Variants in ANO2 observed in about 807,000 individuals in gnomAD.
ANO2 encodes anoctamin 2.
A neutral mutation model predicts 124.2 loss-of-function variants in ANO2; 101 were observed. That is an observed-to-expected ratio of 0.81 (90% CI 0.69 to 0.96). ANO2 has a LOEUF of 0.96. Among genes scored for constraint, ANO2 ranks in the 40% least tolerant of loss-of-function variants. The pLI, the probability that ANO2 is intolerant of heterozygous loss-of-function variation, is 0.00. For missense variants in ANO2, 1,293 were observed against 1,274.5 expected, an observed-to-expected ratio of 1.01 and a Z score of -0.22; for synonymous variants, 486 against 482.5, an observed-to-expected ratio of 1.01 and a Z score of -0.09.
At chr12:5,828,684 G>C (rs1222833769) in intron 6 of ANO2, among the ~76,000 whole-genome samples, 1 of 152,204 alleles carries the variant, frequency 6.6e-6, no homozygotes, top group East Asian at 1.9e-4. Context: ...GGCCTGCAGG[G>C]GACTGTGTTT....
At chr12:5,776,167 AT>A (rs1432640449) in intron 10 of ANO2, among the ~76,000 whole-genome samples, 2 of 152,212 alleles carry the variant, frequency 1.3e-5, no homozygotes, top group African/African-American at 4.8e-5. Context: ...CTTCTGATGC[AT>A]GGTACCACTC....
intron 2 of ANO2, 84 bp from the exon 3 acceptor site, chr12:5,921,450 CAG>C: frequency 7.3e-7 from 1 of 1,376,920 alleles, no homozygotes; most frequent in Non-Finnish European, 9.9e-7. Context: ...GCTCTGGGCT[CAG>C]GGAAACGGAC....
chr12:5,623,427 C>T (rs550724767), intron 16 of ANO2, among the ~76,000 whole-genome samples: 1 of 152,326 alleles, frequency 6.6e-6, no homozygotes, highest in East Asian at 1.9e-4. Context: ...AAAGGACAAT[C>T]GGGAATTTCT....
At chr12:5,920,545 CTT>C (rs1293066765) in intron 3 of ANO2, among the ~76,000 whole-genome samples, 1 of 152,146 alleles carries the variant, frequency 6.6e-6, no homozygotes, top group Non-Finnish European at 1.5e-5. Context: ...ACACAAGACT[CTT>C]TCTCAAGCCC....
chr12:5,632,087 C>T (rs796724880), intron 16 of ANO2, among the ~76,000 whole-genome samples: 17 of 152,228 alleles, frequency 1.1e-4, no homozygotes, highest in African/African-American at 3.6e-4. Flanking sequence ...CAAAAAACTT[C>T]CCCGATACCC....
At chr12:5,709,111 C>A (rs1949718273) in intron 14 of ANO2, among the ~76,000 whole-genome samples, 1 of 152,126 alleles carries the variant, frequency 6.6e-6, no homozygotes, top group South Asian at 2.1e-4. Flanking sequence ...TTTGCAAATT[C>A]CCTTCAGGTT....
intron 10 of ANO2, among the ~76,000 whole-genome samples, chr12:5,779,099 C>T (rs903178229): frequency 1.3e-5 from 2 of 152,198 alleles, no homozygotes; most frequent in Non-Finnish European, 2.9e-5. Context: ...CTGGAGAACC[C>T]TTCTAGATCC....
At chr12:5,681,877 C>T (rs10744690) in intron 14 of ANO2, among the ~76,000 whole-genome samples, 57,897 of 152,054 alleles carry the variant, frequency 0.38, 12,755 homozygotes, top group East Asian at 0.59. Context: ...AGAAAGCAGA[C>T]GGTCTCTTGG....
chr12:5,662,625 T>A (rs1178879479), intron 14 of ANO2, among the ~76,000 whole-genome samples: 1 of 152,198 alleles, frequency 6.6e-6, no homozygotes, highest in African/African-American at 2.4e-5. Flanking sequence ...TGTTTGTTTT[T>A]TAACTAGGAT....
At chr12:5,700,317 G>A (rs1949350878) in intron 14 of ANO2, among the ~76,000 whole-genome samples, 1 of 152,202 alleles carries the variant, frequency 6.6e-6, no homozygotes, top group Admixed American at 6.5e-5. Flanking sequence ...CATGGAAACT[G>A]AACAACCTGC....
rs1397541479 is a variant in ANO2 at position 5,575,818 on chromosome 12, C to T, written c.2621+16G>A. ...CTTCTGGTCCTCTGCTGCCCTTCTC[C>T]TGAAGATTACTTTACCTGCAGAACT... On this transcript the variant is annotated intron_variant, in intron 23 of 24. Transcript: ENST00000682330. The T allele has an allele frequency of 6.2e-7, 1 of 1,611,692 alleles. No individual in the cohort carries two copies. Among genetic ancestry groups the T allele is most frequent in the African/African-American group, 1.3e-5 (1 of 75,006 alleles).
intron 9 of ANO2, among the ~76,000 whole-genome samples, chr12:5,800,295 AG>A (rs1953000054): frequency 6.6e-6 from 1 of 152,274 alleles, no homozygotes; most frequent in South Asian, 2.1e-4. Flanking sequence ...AGAAAGAACC[AG>A]GATGGCCAGA....
At chr12:5,710,933 G>A (rs530092830) in intron 14 of ANO2, among the ~76,000 whole-genome samples, 68 of 152,000 alleles carry the variant, frequency 4.5e-4, no homozygotes, top group Non-Finnish European at 7.9e-4. Context: ...AGGCCGAGGC[G>A]GGATCACGAG....
chr12:5,663,824 T>C (rs1947563821), intron 14 of ANO2, among the ~76,000 whole-genome samples: 1 of 152,234 alleles, frequency 6.6e-6, no homozygotes. Context: ...GCCTCTAAGA[T>C]GTCACTGGTG....
At chr12:5,845,549 A>G (rs1183724834) in intron 4 of ANO2, among the ~76,000 whole-genome samples, 3 of 145,202 alleles carry the variant, frequency 2.1e-5, no homozygotes, top group Non-Finnish European at 4.5e-5. Flanking sequence ...CCTGGGCGAC[A>G]GAGTAAGACT....
intron 9 of ANO2, among the ~76,000 whole-genome samples, chr12:5,804,699 C>A (rs1353670588): frequency 6.6e-6 from 1 of 152,166 alleles, no homozygotes; most frequent in Non-Finnish European, 1.5e-5. Context: ...ACAGTAATTT[C>A]GTATCTTTCC....
At chr12:5,943,001 T>G (rs572373818) in intron 1 of ANO2, among the ~76,000 whole-genome samples, 1 of 152,296 alleles carries the variant, frequency 6.6e-6, no homozygotes, top group South Asian at 2.1e-4. Context: ...AGGGAACACT[T>G]TAACACTGCT....
At chr12:5,651,986 T>C (rs1487069586) in intron 14 of ANO2, among the ~76,000 whole-genome samples, 2 of 152,262 alleles carry the variant, frequency 1.3e-5, no homozygotes, top group African/African-American at 4.8e-5. Context: ...AGTTCATTTA[T>C]CCTTTCACTA....
At chr12:5,785,863 G>C (rs1381046552) in intron 10 of ANO2, among the ~76,000 whole-genome samples, 2 of 152,196 alleles carry the variant, frequency 1.3e-5, no homozygotes, top group East Asian at 3.9e-4. Flanking sequence ...CAGCCCCTGA[G>C]ATGCCACGCA....
Sources: gnomAD v4.1 joint callset for allele counts (sites outside exome capture counted in the v4.1 genomes callset) on GRCh38, gnomAD v4.1.1 for gene constraint, MANE v1.5 for transcripts, NCBI Gene and HGNC (gene_info 2026-07-23, HGNC 2026-07-21) for gene names.